ANO6: variants seen among roughly 807,000 people sequenced by gnomAD.
ANO6 encodes the protein anoctamin 6.
In ANO6, 106 loss-of-function variants were observed where a neutral mutation model predicts 117.5. The ratio of observed to expected loss-of-function variants is 0.90; its 90% CI spans 0.77 to 1.06. The LOEUF is 1.06. Among genes scored for constraint, ANO6 ranks in the 50% least tolerant of loss-of-function variants. The probability of loss-of-function intolerance (pLI) is 0.00; values close to 1 mark genes in which losing one functional copy is unlikely to be tolerated. For synonymous variants in ANO6, 367 were observed against 385.1 expected (o/e 0.95, Z 0.55); for missense variants, 955 against 1,121.1 (o/e 0.85, Z 2.12).
At chr12:45,239,369 G>A (rs1391963569) in intron 1 of ANO6, among the ~76,000 whole-genome samples, 2 of 152,296 alleles carry the variant, frequency 1.3e-5, no homozygotes, top group East Asian at 3.9e-4. Flanking sequence ...TTGTATTCCT[G>A]TTGGATTGGT....
chr12:45,428,141 G>A (rs1012761209), intron 19 of ANO6, among the ~76,000 whole-genome samples: 2 of 152,002 alleles, frequency 1.3e-5, no homozygotes, highest in Admixed American at 1.3e-4. Context: ...TAATGCTCTA[G>A]GATTCAAGCA....
intron 1 of ANO6, among the ~76,000 whole-genome samples, chr12:45,257,602 GC>G (rs1320257952): frequency 2.0e-5 from 3 of 151,998 alleles, no homozygotes; most frequent in Non-Finnish European, 4.4e-5. Context: ...TTTAAATTCT[GC>G]CTTCCATGTT....
At chr12:45,307,256 A>G (rs922195350) in intron 2 of ANO6, among the ~76,000 whole-genome samples, 1 of 152,140 alleles carries the variant, frequency 6.6e-6, no homozygotes, top group Non-Finnish European at 1.5e-5. Flanking sequence ...GAGCAGGGGC[A>G]GAGAGACCTA....
chr12:45,241,376 C>A (rs1269117783), intron 1 of ANO6, among the ~76,000 whole-genome samples: 1 of 152,188 alleles, frequency 6.6e-6, no homozygotes, highest in Non-Finnish European at 1.5e-5. Context: ...TCACAAAGTT[C>A]TCATACCATG....
intron 1 of ANO6, among the ~76,000 whole-genome samples, chr12:45,296,279 A>G (rs545845458): frequency 1.4e-4 from 21 of 152,280 alleles, no homozygotes; most frequent in African/African-American, 4.8e-4. Context: ...CCTCATTCTC[A>G]AGGTGATATG....
intron 1 of ANO6, among the ~76,000 whole-genome samples, chr12:45,291,368 A>AC: frequency 6.6e-6 from 1 of 150,982 alleles, no homozygotes; most frequent in African/African-American, 2.4e-5. Context: ...AAAAAAAAAA[A>AC]ACACAAAGGA....
At chr12:45,367,642 G>T in intron 8 of ANO6, 46 bp from the exon 9 acceptor site, 1 of 1,486,082 alleles carries the variant, frequency 6.7e-7, no homozygotes, top group Non-Finnish European at 9.3e-7. Flanking sequence ...ATTTTATCAT[G>T]CTGCTTTAAA....
Position 45,421,237 on chromosome 12 carries a change from A to G in ANO6, c.2384A>G (p.Asn795Ser), listed in dbSNP as rs1288539151. 1.9e-6 allele frequency: 3 copies of G among 1,613,990 alleles called. No homozygotes were observed. In the African/African-American group the frequency reaches 4.0e-5, roughly 22 times the overall value. Residue 795 changes from asparagine to serine, a missense_variant, in exon 18 of 20, where the codon AAC becomes AGC. Asn to Ser is a conservative substitution (Grantham distance 46). Transcript: ENST00000320560. The part of the protein sequence containing the change: ...VADFKNKSKG[N>S]PYSDLGNHTT... ...GACTTCAAAAACAAAAGCAAGGGAA[A>G]CCCGTACTCTGACCTGGGTAACCAT...
In ANO6 at chr12:45,346,377, TGTA is replaced by T. The variant is rs547985781; in HGVS notation, c.280-641_280-639del. Among the ~76,000 whole-genome samples, 267 of 152,276 alleles carry T rather than the reference TGTA, an allele frequency of 1.8e-3. 1 individual carries two copies. Among genetic ancestry groups the T allele is most frequent in the African/African-American group, 6.2e-3 (258 of 41,568 alleles). ...GCATCTAGAATTTAATATCCATAAG[TGTA>T]GTATATTCTGTATCTTTTGAAATGG... On this transcript the variant is annotated intron_variant, in intron 3 of 19. Transcript: ENST00000320560.
Position 45,390,432 on chromosome 12 carries a change from C to T in ANO6, c.1320C>T (p.Arg440=). 1.2e-6 allele frequency: 2 copies of T among 1,613,840 alleles called. No individual in the cohort carries two copies. The highest frequency in any genetic ancestry group is 1.7e-6 in the Non-Finnish European group (2 of 1,179,766). Reference sequence around the variant, plus strand: ...GTTTTTGTAATTAGGAAGAAGAACGCATTCCCTTTACTGCCTGGGGAAAAT... The same window carrying T: ...GTTTTTGTAATTAGGAAGAAGAACGTATTCCCTTTACTGCCTGGGGAAAAT... The part of the protein sequence containing the change: ...VINEITQEEE[R]IPFTAWGKCI... Residue 440 remains arginine, a synonymous_variant, in exon 12 of 20, where the codon CGC becomes CGT. Transcript: ENST00000320560.
chr12:45,220,020 CA>C (rs2137116924), intron 1 of ANO6, among the ~76,000 whole-genome samples: 1 of 152,326 alleles, frequency 6.6e-6, no homozygotes, highest in Admixed American at 6.5e-5. Context: ...GCCCCCTCAT[CA>C]GCGGATTAAA....
Position 45,432,214 on chromosome 12 carries a change from T to A in ANO6, c.*2903T>A, listed in dbSNP as rs1027833437. The A allele has an allele frequency of 3.6e-5, 35 of 983,108 alleles. No homozygotes were observed. In the African/African-American group the frequency reaches 5.4e-4, roughly 15 times the overall value. The allele number at this position is 983,108 out of a possible 1,614,324, so 60.9% of individuals were successfully genotyped here. On this transcript the variant is annotated 3_prime_UTR_variant, in exon 20 of 20. Transcript: ENST00000320560. The stretch of plus-strand genomic sequence containing the variant: ...ATGATGCTTTTCACACATTGTGGCA[T>A]AAGATGTAAAGTTTGTAATTAATGT...
intron 12 of ANO6, among the ~76,000 whole-genome samples, chr12:45,399,998 T>G (rs1039651517): frequency 6.6e-6 from 1 of 152,206 alleles, no homozygotes; most frequent in South Asian, 2.1e-4. Context: ...GTAAAAGCTC[T>G]GGGATGAATT....
chr12:45,388,014 T>C (rs1942344151), intron 10 of ANO6, 147 bp from the exon 11 acceptor site: 10 of 1,078,298 alleles, frequency 9.3e-6, no homozygotes, highest in Non-Finnish European at 1.4e-5. Flanking sequence ...TAAACCTCTT[T>C]CCTTTATGAA....
intron 19 of ANO6, among the ~76,000 whole-genome samples, chr12:45,423,670 C>G (rs1159204968): frequency 6.6e-6 from 1 of 152,212 alleles, no homozygotes; most frequent in Non-Finnish European, 1.5e-5. Context: ...TCTGTGGTTG[C>G]TCCTGAATCA....
At chr12:45,321,030 T>A (rs1940250493) in intron 2 of ANO6, among the ~76,000 whole-genome samples, 1 of 152,042 alleles carries the variant, frequency 6.6e-6, no homozygotes, top group Non-Finnish European at 1.5e-5. Flanking sequence ...GTGAGATGGG[T>A]TTCCTGAATA....
intron 1 of ANO6, among the ~76,000 whole-genome samples, chr12:45,256,190 C>T (rs1213036983): frequency 6.6e-6 from 1 of 151,924 alleles, no homozygotes; most frequent in South Asian, 2.1e-4. Context: ...TTGAACATGC[C>T]CATGTGTATA....
intron 1 of ANO6, among the ~76,000 whole-genome samples, chr12:45,222,056 G>A (rs1050993355): frequency 2.0e-5 from 3 of 150,954 alleles, no homozygotes; most frequent in African/African-American, 7.3e-5. Context: ...TATTTTTTTT[G>A]TATTTTTAAT....
chr12:45,365,752 C>CATCATTCTTATAGAGATTT (rs1261812086), intron 8 of ANO6, among the ~76,000 whole-genome samples: 5 of 152,176 alleles, frequency 3.3e-5, no homozygotes, highest in Admixed American at 6.5e-5. Flanking sequence ...TAACAGGTGT[C>CATCATTCTTATAGAGATTT]ATCATTCTTA....
Sources: gnomAD v4.1 joint callset for allele counts (sites outside exome capture counted in the v4.1 genomes callset) on GRCh38, gnomAD v4.1.1 for gene constraint, MANE v1.5 for transcripts, NCBI Gene and HGNC (gene_info 2026-07-23, HGNC 2026-07-21) for gene names.